ABCA1: variants seen among roughly 807,000 people sequenced by gnomAD.
ABCA1 encodes phospholipid-transporting ATPase ABCA1.
A neutral mutation model predicts 262.5 loss-of-function variants in ABCA1; 133 were observed. The ratio of observed to expected loss-of-function variants is 0.51; its 90% CI spans 0.44 to 0.59. The LOEUF (loss-of-function observed/expected upper bound fraction) is 0.59. Among genes scored for constraint, ABCA1 ranks in the 20% least tolerant of loss-of-function variants. The probability of loss-of-function intolerance (pLI) is 0.00; values close to 1 mark genes in which losing one functional copy is unlikely to be tolerated. For missense variants in ABCA1, 2,452 were observed against 2,777.5 expected, an observed-to-expected ratio of 0.88 and a Z score of 2.63; for synonymous variants, 1,022 against 1,043.5, an observed-to-expected ratio of 0.98 and a Z score of 0.40.
chr9:104,786,989 T>C lies in ABCA1; in HGVS notation c.6205-13A>G. 6.2e-7 allele frequency: 1 copy of C among 1,607,060 alleles called. No homozygotes were observed. The highest frequency in any genetic ancestry group is 8.5e-7 in the Non-Finnish European group (1 of 1,176,048). On this transcript the variant is annotated splice_polypyrimidine_tract_variant and intron_variant, in intron 46 of 49. Transcript: ENST00000374736. Reference sequence around the variant, plus strand: ...TGGTGGGTTCATCCTGTAATTAGAATAAAATAAGTCTTATTTGCTGGGGGG... The same window carrying C: ...TGGTGGGTTCATCCTGTAATTAGAACAAAATAAGTCTTATTTGCTGGGGGG...
intron 7 of ABCA1, among the ~76,000 whole-genome samples, chr9:104,851,086 G>A (rs1016843360): frequency 4.6e-5 from 7 of 152,162 alleles, no homozygotes; most frequent in African/African-American, 1.4e-4. Context: ...AACATACCAT[G>A]TTTCCTAAAA....
chr9:104,798,403 G>T lies in ABCA1; in HGVS notation c.5121+18C>A, dbSNP rs912219458. 6.2e-7 allele frequency: 1 copy of T among 1,613,534 alleles called. No individual in the cohort carries two copies. The highest frequency in any genetic ancestry group is 8.5e-7 in the Non-Finnish European group (1 of 1,179,616). On this transcript the variant is annotated intron_variant, in intron 37 of 49. Transcript: ENST00000374736. ...CCCTGACAGACATCAGAAAGATACA[G>T]CAGGCCTGTGTCCTTACCATATCCC...
At chr9:104,790,899 AT>A (rs1212919033) in intron 44 of ABCA1, 22 bp downstream of exon 44, 2 of 1,507,978 alleles carry the variant, frequency 1.3e-6, no homozygotes, top group Non-Finnish European at 1.8e-6. Flanking sequence ...TTGCAGCAAA[AT>A]ACAAGCCACT....
chr9:104,856,713 G>A (rs1265650262), intron 7 of ABCA1, among the ~76,000 whole-genome samples: 2 of 152,160 alleles, frequency 1.3e-5, no homozygotes, highest in Non-Finnish European at 2.9e-5. Flanking sequence ...GAATGAATGG[G>A]CACAGCACCG....
At chr9:104,786,716 G>T (rs1828966373) in intron 47 of ABCA1, among the ~76,000 whole-genome samples, 157 bp downstream of exon 47, 1 of 152,106 alleles carries the variant, frequency 6.6e-6, no homozygotes, top group South Asian at 2.1e-4. Context: ...ATTTATACTG[G>T]GCTTGCATTT....
intron 9 of ABCA1, among the ~76,000 whole-genome samples, chr9:104,839,255 CAA>C (rs1483677492): frequency 6.6e-6 from 1 of 152,144 alleles, no homozygotes; most frequent in Non-Finnish European, 1.5e-5. Context: ...GAATGGGAAA[CAA>C]AGGGCAGATC....
chr9:104,799,619 T>G (rs908702906), intron 36 of ABCA1, 200 bp downstream of exon 36: 5 of 985,258 alleles, frequency 5.1e-6, no homozygotes, highest in Non-Finnish European at 4.8e-6. Context: ...TCAGTGTCAT[T>G]TTCTCTTCTG....
At chr9:104,881,812 C>G (rs1838679100) in intron 5 of ABCA1, among the ~76,000 whole-genome samples, 1 of 151,910 alleles carries the variant, frequency 6.6e-6, no homozygotes, top group Admixed American at 6.6e-5. Flanking sequence ...TGTGCAAGAC[C>G]AGGACCTGCA....
rs569167931 is a variant in ABCA1 at position 104,872,039 on chromosome 9, T to C, written c.422-10239A>G. ...ATTAACATACACAATGTATAAATAG[T>C]TTAATTTTTTTCTAACTTTTAAAAT... On this transcript the variant is annotated intron_variant, in intron 5 of 49. Transcript: ENST00000374736. 1.2e-3 allele frequency among the ~76,000 whole-genome samples: 190 copies of C among 152,098 alleles called. 1 individual carries two copies. Among genetic ancestry groups the C allele is most frequent in the African/African-American group, 4.4e-3 (181 of 41,332 alleles).
rs1341124430 is a variant in ABCA1, at chr9:104,824,482, T to C, written c.2639A>G (p.Gln880Arg). The C allele has an allele frequency of 4.3e-6, 7 of 1,614,190 alleles. No individual in the cohort carries two copies. Among genetic ancestry groups the C allele is most frequent in the Non-Finnish European group, 5.9e-6 (7 of 1,180,026 alleles). Residue 880 changes from glutamine to arginine, a missense_variant, in exon 18 of 50, where the codon CAG (glutamine) becomes CGG (arginine). Coordinates refer to ENST00000374736, the MANE Select transcript of ABCA1 (RefSeq NM_005502.4). ...GCACTTACTTTCTGATATTCTCTTCTGGTTGGAACCAGGGTGGCTCTTCTC... is the reference window on the plus strand; with the variant it reads ...GCACTTACTTTCTGATATTCTCTTCCGGTTGGAACCAGGGTGGCTCTTCTC... ...SDEKSHPGSN[Q>R]KRISEICMEE...
intron 5 of ABCA1, among the ~76,000 whole-genome samples, chr9:104,874,608 G>A (rs1271954282): frequency 6.6e-6 from 1 of 151,958 alleles, no homozygotes; most frequent in African/African-American, 2.4e-5. Flanking sequence ...CAAAAAAACA[G>A]AGCCGGGCGC....
chr9:104,862,679 C>CCGGGCAGGGCAGGGCAGGGCA (rs1564199103), intron 5 of ABCA1, among the ~76,000 whole-genome samples: 1 of 9,482 alleles, frequency 1.1e-4, no homozygotes, highest in African/African-American at 3.9e-4. Context: ...CGGGCCGGGC[C>CCGGGCAGGGCAGGGCAGGGCA]GGGCCGGGCC....
In ABCA1 at chr9:104,831,339, T is replaced by C. The variant is rs150237889; in HGVS notation, c.1716-238A>G. On this transcript the variant is annotated intron_variant, in intron 13 of 49. Coordinates refer to ENST00000374736, the MANE Select transcript of ABCA1 (RefSeq NM_005502.4). ...TTCAAGCAATTCTCCTGCCTCAGCC[T>C]CCCGAGTAGCTGGGATTACAGGTGC... Among the ~76,000 whole-genome samples, 11,634 of 151,522 alleles carry C rather than the reference T, an allele frequency of 0.077. 501 individuals carry two copies. The highest frequency in any genetic ancestry group is 0.095 in the Non-Finnish European group (6,462 of 67,870).
chr9:104,805,102 T>C (rs1224657538), intron 31 of ABCA1, among the ~76,000 whole-genome samples: 1 of 152,134 alleles, frequency 6.6e-6, no homozygotes, highest in Non-Finnish European at 1.5e-5. Context: ...TGATATGGAG[T>C]TTTGCTGTGT....
rs565475738 is a variant in ABCA1, at chr9:104,800,677, G to A, written c.4699-93C>T. On this transcript the variant is annotated intron_variant, in intron 34 of 49. Transcript: ENST00000374736. ...AACCTGTGGACAACAGGACGGCCCT[G>A]TGAAGAGCAATGCCACTACCTTGTT... The A allele has an allele frequency of 1.2e-4, 131 of 1,129,130 alleles. No individual in the cohort carries two copies. In the African/African-American group the frequency reaches 1.6e-3, roughly 14 times the overall value. 69.9% of individuals were successfully genotyped at this position (1,129,130 alleles called of 1,614,324 possible).
intron 1 of ABCA1, among the ~76,000 whole-genome samples, chr9:104,906,510 G>A (rs1376009324): frequency 2.0e-5 from 3 of 152,074 alleles, no homozygotes; most frequent in Non-Finnish European, 2.9e-5. Flanking sequence ...AAGTTCTACC[G>A]TGGCTTTGCT....
intron 7 of ABCA1, among the ~76,000 whole-genome samples, chr9:104,853,383 G>A (rs763871699): frequency 2.0e-5 from 3 of 152,192 alleles, no homozygotes; most frequent in African/African-American, 7.2e-5. Context: ...CACAGTGTCT[G>A]TGTTGGCAAA....
At chr9:104,875,307 C>T (rs994099998) in intron 5 of ABCA1, among the ~76,000 whole-genome samples, 2 of 149,070 alleles carry the variant, frequency 1.3e-5, no homozygotes, top group East Asian at 2.0e-4. Flanking sequence ...CACACCACTA[C>T]ACTCCATGCA....
intron 3 of ABCA1, 76 bp from the exon 4 acceptor site, chr9:104,884,644 C>T (rs187205447): frequency 5.2e-6 from 8 of 1,544,880 alleles, no homozygotes; most frequent in African/African-American, 4.1e-5. Context: ...TCCATTTATA[C>T]AATGCTTCAT....
Sources: gnomAD v4.1 joint callset for allele counts (sites outside exome capture counted in the v4.1 genomes callset) on GRCh38, gnomAD v4.1.1 for gene constraint, MANE v1.5 for transcripts, NCBI Gene and HGNC (gene_info 2026-07-23, HGNC 2026-07-21) for gene names.